ANK2: variants seen among roughly 807,000 people sequenced by gnomAD.
ANK2 encodes the protein ankyrin-2.
In ANK2, 83 loss-of-function variants were observed where a neutral mutation model predicts 360.5. That is an observed-to-expected ratio of 0.23 (90% CI 0.19 to 0.28). The LOEUF (loss-of-function observed/expected upper bound fraction) is 0.28, where lower values mean the gene tolerates loss of function less well. ANK2 is among the 10% of genes least tolerant of loss of function. ANK2 has a pLI of 1.00. For missense variants in ANK2, 4,201 were observed against 4,795.7 expected, an observed-to-expected ratio of 0.88 and a Z score of 3.66; for synonymous variants, 1,740 against 1,759.5, an observed-to-expected ratio of 0.99 and a Z score of 0.28.
intron 1 of ANK2, among the ~76,000 whole-genome samples, chr4:113,053,542 G>C (rs893962709): frequency 1.3e-5 from 2 of 152,150 alleles, no homozygotes; most frequent in Non-Finnish European, 2.9e-5. Context: ...TATGTGAAAT[G>C]TATCCGTGTA....
chr4:112,733,609 A>C, the ANK2 span, among the ~76,000 whole-genome samples: 1 of 152,228 alleles, frequency 6.6e-6, no homozygotes, highest in Non-Finnish European at 1.5e-5. Flanking sequence ...CCCAGCATCT[A>C]GCTCAAATTA....
chr4:113,066,993 A>G (rs2075857120), intron 1 of ANK2, among the ~76,000 whole-genome samples: 1 of 151,988 alleles, frequency 6.6e-6, no homozygotes, highest in Non-Finnish European at 1.5e-5. Context: ...TTGTGAAGTG[A>G]AAAACAAGCA....
At chr4:112,997,310 G>A (rs1345163887) in intron 2 of ANK2, among the ~76,000 whole-genome samples, 4 of 152,080 alleles carry the variant, frequency 2.6e-5, no homozygotes, top group African/African-American at 4.8e-5. Context: ...ACAGTAAGTT[G>A]TTATTAACTA....
the ANK2 span, among the ~76,000 whole-genome samples, chr4:112,761,615 G>T: frequency 6.6e-6 from 1 of 152,112 alleles, no homozygotes; most frequent in Non-Finnish European, 1.5e-5. Context: ...GTGAGACTCC[G>T]TCTCAAAAAT....
chr4:112,975,128 A>G (rs1461289543), intron 2 of ANK2, among the ~76,000 whole-genome samples: 1 of 152,138 alleles, frequency 6.6e-6, no homozygotes, highest in Non-Finnish European at 1.5e-5. Context: ...TTCCCTTTTG[A>G]GAAAAATCTA....
At chr4:113,216,730 A>G (rs913676976) in intron 4 of ANK2, among the ~76,000 whole-genome samples, 7 of 152,178 alleles carry the variant, frequency 4.6e-5, no homozygotes. Flanking sequence ...TCTGGCTCTG[A>G]ACACAAGTAT....
At chr4:113,104,543 GTC>G (rs956664483) in intron 1 of ANK2, among the ~76,000 whole-genome samples, 4 of 152,102 alleles carry the variant, frequency 2.6e-5, no homozygotes, top group African/African-American at 9.7e-5. Context: ...ATGAAACCCT[GTC>G]TCTACTAAAA....
intron 2 of ANK2, among the ~76,000 whole-genome samples, chr4:113,008,478 G>A (rs896748345): frequency 1.3e-5 from 2 of 152,112 alleles, no homozygotes; most frequent in South Asian, 4.1e-4. Context: ...TAAGCCAATA[G>A]GCTCAAATTT....
At chr4:112,922,859 A>T (rs2091850209) in intron 2 of ANK2, among the ~76,000 whole-genome samples, 1 of 152,222 alleles carries the variant, frequency 6.6e-6, no homozygotes, top group Admixed American at 6.5e-5. Context: ...CCCAAGCTAC[A>T]GTAGAAGAGG....
intron 2 of ANK2, among the ~76,000 whole-genome samples, chr4:112,947,754 T>C (rs1372142938): frequency 6.6e-6 from 1 of 152,220 alleles, no homozygotes; most frequent in Non-Finnish European, 1.5e-5. Context: ...CATTTGTAAC[T>C]GCAGTGTTCT....
At chr4:113,180,337 G>T (rs1254811482) in intron 2 of ANK2, among the ~76,000 whole-genome samples, 1 of 152,204 alleles carries the variant, frequency 6.6e-6, no homozygotes, top group African/African-American at 2.4e-5. Flanking sequence ...AAGTTTTAGG[G>T]TTGTTTTGAT....
chr4:112,827,404 C>A, intron 1 of ANK2: 1 of 1,383,654 alleles, frequency 7.2e-7, no homozygotes, highest in Non-Finnish European at 1.0e-6. Context: ...AGCTATTGGA[C>A]CAAGGAAGAA....
chr4:113,271,168 C>T (rs2058348702), intron 14 of ANK2, among the ~76,000 whole-genome samples: 1 of 152,194 alleles, frequency 6.6e-6, no homozygotes, highest in African/African-American at 2.4e-5. Context: ...TAAAGAGAGC[C>T]CCTCTTCCTC....
intron 26 of ANK2, among the ~76,000 whole-genome samples, chr4:113,327,026 C>A (rs2090330845): frequency 6.6e-6 from 1 of 152,036 alleles, no homozygotes; most frequent in Non-Finnish European, 1.5e-5. Flanking sequence ...ATTGTTTTTT[C>A]TCTGAATTAT....
At position 113,257,643 on chromosome 4, in the gene ANK2, C is replaced by A. The variant is rs72900007; in HGVS notation, c.1189-407C>A. Among the ~76,000 whole-genome samples the A allele has an allele frequency of 6.8e-3, 1,035 of 152,194 alleles. 11 individuals carry two copies. The highest frequency in any genetic ancestry group is 0.024 in the African/African-American group (993 of 41,518). ...TTTAAGTAGATGAATAATTCTTATG[C>A]TCTGAGAAATGGCCCTTCAGAAGAA... On this transcript the variant is annotated intron_variant, in intron 11 of 45. Transcript: ENST00000357077.
intron 26 of ANK2, among the ~76,000 whole-genome samples, chr4:113,325,065 T>C (rs2088988084): frequency 6.6e-6 from 1 of 152,202 alleles, no homozygotes; most frequent in African/African-American, 2.4e-5. Context: ...TGTGATAACA[T>C]TGTATCTCAC....
intron 27 of ANK2, among the ~76,000 whole-genome samples, chr4:113,331,268 G>T (rs2092379805): frequency 6.6e-6 from 1 of 152,152 alleles, no homozygotes; most frequent in Non-Finnish European, 1.5e-5. Flanking sequence ...TAATAATCGT[G>T]AACTCTTTTA....
At chr4:112,731,464 C>T in the ANK2 span, among the ~76,000 whole-genome samples, 5 of 152,130 alleles carry the variant, frequency 3.3e-5, no homozygotes, top group South Asian at 2.1e-4. Flanking sequence ...TGGCTCATGC[C>T]TGTAATCCCA....
intron 42 of ANK2, 125 bp downstream of exon 42, chr4:113,367,976 C>G (rs1471917629): frequency 8.5e-7 from 1 of 1,183,142 alleles, no homozygotes; most frequent in Non-Finnish European, 1.2e-6. Flanking sequence ...AACACAAGTG[C>G]CAGAGCTAAA....
Sources: allele counts gnomAD v4.1 joint callset (sites outside exome capture counted in the v4.1 genomes callset), GRCh38; gene constraint gnomAD v4.1.1; transcripts MANE v1.5; gene names NCBI Gene and HGNC (gene_info 2026-07-23, HGNC 2026-07-21).